Variants in ESRRG observed in about 807,000 individuals in gnomAD.
ESRRG encodes estrogen related receptor gamma.
Under a neutral mutation model 44.0 loss-of-function variants are expected in ESRRG, and 13 were observed. That is an observed-to-expected ratio of 0.30 (90% confidence interval 0.19 to 0.47). ESRRG has a LOEUF of 0.47. ESRRG is among the 20% of genes least tolerant of loss of function. The pLI is 1.00. For synonymous variants in ESRRG, 215 were observed against 214.6 expected (o/e 1.00, Z -0.02); for missense variants, 395 against 580.6 (o/e 0.68, Z 3.29).
intron 1 of ESRRG, among the ~76,000 whole-genome samples, chr1:216,963,908 T>C (rs2069684315): frequency 6.6e-6 from 1 of 151,986 alleles, no homozygotes; most frequent in African/African-American, 2.4e-5. Flanking sequence ...AACAGAGATT[T>C]GACTGACAGA....
At chr1:216,593,569 A>C (rs998441857) in intron 3 of ESRRG, among the ~76,000 whole-genome samples, 6 of 152,316 alleles carry the variant, frequency 3.9e-5, no homozygotes, top group Middle Eastern at 3.4e-3. Flanking sequence ...TCCTCTAAAA[A>C]TCCAACTAAT....
intron 1 of ESRRG, among the ~76,000 whole-genome samples, chr1:217,006,242 T>G (rs1459407527): frequency 1.3e-5 from 2 of 152,084 alleles, no homozygotes; most frequent in African/African-American, 4.8e-5. Context: ...AAAAGTAAAA[T>G]GTAACTGAAT....
chr1:217,080,678 T>C (rs1400499797), intron 1 of ESRRG, among the ~76,000 whole-genome samples: 2 of 92,078 alleles, frequency 2.2e-5, no homozygotes. Context: ...TTGGTTTTTT[T>C]TTTTTTTTTT....
chr1:216,636,379 A>C (rs2065296265), intron 3 of ESRRG, among the ~76,000 whole-genome samples: 1 of 152,232 alleles, frequency 6.6e-6, no homozygotes. Flanking sequence ...CCAGCCCTGA[A>C]GAAAAATAAA....
At chr1:216,771,379 T>G (rs183274708) in intron 2 of ESRRG, among the ~76,000 whole-genome samples, 48 of 152,290 alleles carry the variant, frequency 3.2e-4, no homozygotes, top group Admixed American at 1.2e-3. Flanking sequence ...TAATGCCTTA[T>G]AATCTTTGCC....
At position 216,629,139 on chromosome 1, in the gene ESRRG, A is replaced by G. The variant is rs114532323; in HGVS notation, c.589+21834T>C. ...GCCAGTTATATGGCAAACTCTTCAA[A>G]CTCCTGTTCACCTAGAACTCTCCAT... On this transcript the variant is annotated intron_variant, in intron 3 of 6. Coordinates refer to ENST00000408911, the MANE Select transcript of ESRRG (RefSeq NM_001438.4). 4.0e-3 allele frequency among the ~76,000 whole-genome samples: 605 copies of G among 152,132 alleles called. 8 individuals carry two copies. Among genetic ancestry groups the G allele is most frequent in the African/African-American group, 0.014 (562 of 41,502 alleles).
intron 3 of ESRRG, among the ~76,000 whole-genome samples, chr1:216,648,229 A>C (rs1390442763): frequency 1.3e-5 from 2 of 152,192 alleles, no homozygotes; most frequent in Non-Finnish European, 2.9e-5. Flanking sequence ...GGTACAATGC[A>C]ATATTTCACT....
upstream of ESRRG, among the ~76,000 whole-genome samples, chr1:217,093,730 C>T (rs956622110): frequency 2.6e-5 from 4 of 151,480 alleles, no homozygotes; most frequent in East Asian, 3.9e-4. Context: ...CTACAGTAAG[C>T]GGTGATCGCA....
At chr1:216,570,503 T>G (rs1558561693) in intron 3 of ESRRG, among the ~76,000 whole-genome samples, 1 of 152,212 alleles carries the variant, frequency 6.6e-6, no homozygotes, top group Non-Finnish European at 1.5e-5. Context: ...CTCTTCAAAA[T>G]TTTCTTCAGA....
intron 2 of ESRRG, among the ~76,000 whole-genome samples, chr1:216,823,205 T>C (rs542847831): frequency 1.3e-5 from 2 of 152,050 alleles, no homozygotes; most frequent in African/African-American, 4.8e-5. Flanking sequence ...TCCAAAGTCT[T>C]GAATCTGTAA....
rs191739764 is a variant in ESRRG at position 216,806,993 on chromosome 1, G to A, written c.-13-129502C>T. Among the ~76,000 whole-genome samples the A allele has an allele frequency of 8.5e-4, 129 of 152,240 alleles. 1 individual carries two copies. The highest frequency in any genetic ancestry group is 2.4e-3 in the African/African-American group (98 of 41,554). ...TGTAACTCATCTGTAGCTTCCTCTCGTATGTGATAGCTTGGCAATTCCACA... is the reference window on the plus strand; with the variant it reads ...TGTAACTCATCTGTAGCTTCCTCTCATATGTGATAGCTTGGCAATTCCACA... On this transcript the variant is annotated intron_variant, in intron 2 of 7. Coordinates refer to the ESRRG transcript ENST00000359162.
At chr1:216,777,892 C>G (rs2093672571) in intron 2 of ESRRG, among the ~76,000 whole-genome samples, 1 of 152,076 alleles carries the variant, frequency 6.6e-6, no homozygotes, top group African/African-American at 2.4e-5. Flanking sequence ...ATTATCTCTT[C>G]CATGCTGACT....
chr1:216,869,836 C>T (rs2164615), intron 2 of ESRRG, among the ~76,000 whole-genome samples: 75,607 of 151,634 alleles, frequency 0.5, 21,717 homozygotes, highest in African/African-American at 0.8. Context: ...TTTTTAAGTG[C>T]ACTTTCCAAT....
At chr1:217,029,381 A>T (rs2081699213) in intron 1 of ESRRG, among the ~76,000 whole-genome samples, 1 of 152,222 alleles carries the variant, frequency 6.6e-6, no homozygotes, top group South Asian at 2.1e-4. Flanking sequence ...CTCACCAGGA[A>T]ACTGAGCAGG....
intron 2 of ESRRG, among the ~76,000 whole-genome samples, chr1:216,843,675 C>T (rs2095690067): frequency 6.6e-6 from 1 of 152,130 alleles, no homozygotes; most frequent in Non-Finnish European, 1.5e-5. Context: ...GGGGCTGTAA[C>T]ATCAATTTCT....
At chr1:216,530,109 CAAAAAAAAAAAAA>C (rs34108833) in intron 5 of ESRRG, among the ~76,000 whole-genome samples, 1 of 62,810 alleles carries the variant, frequency 1.6e-5, no homozygotes, top group Non-Finnish European at 2.9e-5. Context: ...GAGACTCCAT[CAAAAAAAAAAAAA>C]AAAAAAAAAA....
intron 1 of ESRRG, chr1:216,681,890 A>G (rs536587726): frequency 6.6e-6 from 1 of 152,288 alleles, no homozygotes; most frequent in South Asian, 2.1e-4. Context: ...CGGAGATTCT[A>G]CCTACATCCA....
Position 216,568,069 on chromosome 1 carries a change from G to C in ESRRG, c.619C>G (p.Arg207Gly). The change falls in exon 4 of 7, where the codon CGG becomes GGG. Residue 207 changes from arginine to glycine, a missense_variant. Physicochemically the swap from Arg to Gly is moderately radical, Grantham distance 125 (BLOSUM62 -2). Around this residue, in one of 5 missense-constraint regions of ESRRG, gnomAD observed 35 missense variants for 120.1 expected, o/e 0.29. Coordinates refer to ENST00000408911, the MANE Select transcript of ESRRG (RefSeq NM_001438.4). ...TCTATCCTGCGCTTGTACTTCTGCC[G>C]ACCTCCACGTACTCTGTCAAGACGC... is the stretch of plus-strand genomic sequence containing the variant. ...GVRLDRVRGG[R>G]QKYKRRIDAE... 1 of 1,613,570 alleles carries C rather than the reference G, an allele frequency of 6.2e-7. No individual in the cohort carries two copies.
At chr1:216,645,871 C>CAAAA (rs776262531) in intron 3 of ESRRG, among the ~76,000 whole-genome samples, 5 of 91,174 alleles carry the variant, frequency 5.5e-5, no homozygotes, top group African/African-American at 8.5e-5. Flanking sequence ...GACCCCTTCT[C>CAAAA]AAAAAAAAAA....
Sources: allele counts gnomAD v4.1 joint callset (sites outside exome capture counted in the v4.1 genomes callset), GRCh38; gene constraint gnomAD v4.1.1; regional missense constraint gnomAD v4.1.1; transcripts MANE v1.5; gene names NCBI Gene and HGNC (gene_info 2026-07-23, HGNC 2026-07-21).